Variants in PALM2AKAP2 observed in about 807,000 individuals in gnomAD.
The protein encoded by PALM2AKAP2 is PALM2 and AKAP2 fusion.
Under a neutral mutation model 71.5 loss-of-function variants are expected in PALM2AKAP2, and 37 were observed. That is an observed-to-expected ratio of 0.52 (90% CI 0.40 to 0.68). PALM2AKAP2 has a LOEUF of 0.68. Ranked by LOEUF, PALM2AKAP2 falls within the 30% of genes least tolerant of loss-of-function variation. The pLI, the probability that PALM2AKAP2 is intolerant of heterozygous loss-of-function variation, is 0.00. For missense variants in PALM2AKAP2, 1,224 were observed against 1,191.8 expected, an observed-to-expected ratio of 1.03 and a Z score of -0.40; for synonymous variants, 468 against 478.8, an observed-to-expected ratio of 0.98 and a Z score of 0.29.
chr9:109,735,497 C>G (rs143154370), intron 1 of PALM2AKAP2, among the ~76,000 whole-genome samples: 2 of 151,966 alleles, frequency 1.3e-5, no homozygotes, highest in African/African-American at 4.8e-5. Context: ...AGCCCTGAGT[C>G]CAGTAACTTT....
chr9:110,139,512 T>G (rs1390298097), intron 2 of PALM2AKAP2, among the ~76,000 whole-genome samples: 6 of 152,228 alleles, frequency 3.9e-5, no homozygotes, highest in Non-Finnish European at 7.3e-5. Flanking sequence ...ATTTTTGTAT[T>G]TTACAAAACT....
At chr9:109,856,453 T>A (rs1829168072) in intron 1 of PALM2AKAP2, among the ~76,000 whole-genome samples, 1 of 152,186 alleles carries the variant, frequency 6.6e-6, no homozygotes, top group Non-Finnish European at 1.5e-5. Context: ...GAAGGGCAGG[T>A]CTTTTGTGTT....
chr9:110,082,670 G>C (rs931946312), intron 1 of PALM2AKAP2, among the ~76,000 whole-genome samples: 1 of 152,126 alleles, frequency 6.6e-6, no homozygotes, highest in Non-Finnish European at 1.5e-5. Flanking sequence ...GATACAAAGA[G>C]AATTTTTGGT....
intron 6 of PALM2AKAP2, among the ~76,000 whole-genome samples, chr9:110,005,817 C>G (rs1354379044): frequency 6.6e-6 from 1 of 152,222 alleles, no homozygotes; most frequent in Non-Finnish European, 1.5e-5. Flanking sequence ...GTGTGGGACC[C>G]TCTGAGCCAG....
In PALM2AKAP2 at chr9:109,841,398, G is replaced by T. The variant is rs970822819; in HGVS notation, c.46-26093G>T. 2.0e-5 allele frequency among the ~76,000 whole-genome samples: 3 copies of T among 147,284 alleles called. No individual in the cohort carries two copies. In the Admixed American group the frequency reaches 2.1e-4, roughly 10 times the overall value. On this transcript the variant is annotated intron_variant, in intron 1 of 9. Transcript: ENST00000302798. ...GGGGTAGGGGGGAGGGATAGCATTA[G>T]GAGATATACCTAATGTAAATGATGA...
chr9:109,731,479 C>T (rs1828555741), intron 1 of PALM2AKAP2, among the ~76,000 whole-genome samples: 2 of 152,094 alleles, frequency 1.3e-5, no homozygotes, highest in African/African-American at 4.8e-5. Context: ...CTTTTGAATC[C>T]AGTAAAAAGA....
chr9:109,852,111 T>G (rs1829037528), intron 1 of PALM2AKAP2, among the ~76,000 whole-genome samples: 1 of 152,180 alleles, frequency 6.6e-6, no homozygotes, highest in African/African-American at 2.4e-5. Flanking sequence ...TATTTATTTA[T>G]ATTTTATTTT....
At chr9:109,877,884 G>A (rs1196745726) in intron 2 of PALM2AKAP2, among the ~76,000 whole-genome samples, 3 of 152,168 alleles carry the variant, frequency 2.0e-5, no homozygotes, top group African/African-American at 7.2e-5. Flanking sequence ...TTCAAGAAAA[G>A]CAAAGCAATA....
chr9:110,002,845 G>A (rs1832704531), intron 6 of PALM2AKAP2, among the ~76,000 whole-genome samples: 1 of 152,238 alleles, frequency 6.6e-6, no homozygotes, highest in Non-Finnish European at 1.5e-5. Flanking sequence ...TTCTCTGATG[G>A]TAGTTTGTAT....
Position 109,837,596 on chromosome 9 carries a change from G to A in PALM2AKAP2, c.46-29895G>A, listed in dbSNP as rs557339305. ...GACACAGACTGGCAAATTAGATAAA[G>A]AGTCAAGACCTATCAGTGTGCTGTA... is the stretch of plus-strand genomic sequence containing the variant. On this transcript the variant is annotated intron_variant, in intron 1 of 9. Coordinates refer to the PALM2AKAP2 transcript ENST00000302798. 1.3e-3 allele frequency among the ~76,000 whole-genome samples: 201 copies of A among 152,202 alleles called. 1 individual carries two copies. The highest frequency in any genetic ancestry group is 4.9e-3 in the Admixed American group (75 of 15,284).
chr9:109,720,927 G>A (rs560975003), intron 1 of PALM2AKAP2, among the ~76,000 whole-genome samples: 3 of 152,240 alleles, frequency 2.0e-5, no homozygotes, highest in South Asian at 2.1e-4. Context: ...CTTCCCTAGC[G>A]GAGTTTTACT....
At chr9:109,772,471 G>GCA (rs1331753158) in intron 1 of PALM2AKAP2, among the ~76,000 whole-genome samples, 2 of 152,150 alleles carry the variant, frequency 1.3e-5, no homozygotes, top group East Asian at 1.9e-4. Context: ...TATAGGTTTG[G>GCA]CACACACACA....
chr9:109,931,199 C>T (rs1236406528), intron 5 of PALM2AKAP2, among the ~76,000 whole-genome samples: 1 of 152,190 alleles, frequency 6.6e-6, no homozygotes, highest in African/African-American at 2.4e-5. Context: ...AATGTTCATG[C>T]TCCCCATGTC....
Position 109,750,571 on chromosome 9 carries a change from C to CGTGTGTGTGTGTGT in PALM2AKAP2, c.6-29900_6-29887dup, listed in dbSNP as rs111708702. On this transcript the variant is annotated intron_variant, in intron 1 of 6. Transcript: ENST00000374531. ...TCATCCTCAGAGCTCTGCCCTAGGA[C>CGTGTGTGTGTGTGT]GTGTGTGTGTGTGTGTGTGTGTGTG... is the stretch of plus-strand genomic sequence containing the variant. Among the ~76,000 whole-genome samples, 114 of 147,314 alleles carry CGTGTGTGTGTGTGT rather than the reference C, an allele frequency of 7.7e-4. 2 individuals carry two copies. The highest frequency in any genetic ancestry group is 4.6e-3 in the South Asian group (20 of 4,360).
At chr9:110,035,600 ATGTTGTG>A (rs1475801302) in intron 7 of PALM2AKAP2, among the ~76,000 whole-genome samples, 5 of 139,948 alleles carry the variant, frequency 3.6e-5, no homozygotes, top group Non-Finnish European at 6.1e-5. Context: ...TATATAGGAT[ATGTTGTG>A]TGTTATATAT....
chr9:109,870,593 T>C (rs1239497936), intron 2 of PALM2AKAP2, among the ~76,000 whole-genome samples: 1 of 152,194 alleles, frequency 6.6e-6, no homozygotes, highest in Non-Finnish European at 1.5e-5. Context: ...AACAAACTCA[T>C]GAGGTCAAGT....
intron 2 of PALM2AKAP2, among the ~76,000 whole-genome samples, chr9:110,151,870 G>A (rs1564336394): frequency 6.6e-6 from 1 of 152,164 alleles, no homozygotes. Flanking sequence ...AGACCAATAC[G>A]GACCTGCCCT....
chr9:109,881,358 C>T (rs1475980408), intron 3 of PALM2AKAP2, among the ~76,000 whole-genome samples: 1 of 152,192 alleles, frequency 6.6e-6, no homozygotes, highest in Non-Finnish European at 1.5e-5. Context: ...TATTAGCTTT[C>T]ATCTTTTTCC....
At chr9:109,708,736 A>G (rs567170617) in intron 1 of PALM2AKAP2, among the ~76,000 whole-genome samples, 1 of 152,314 alleles carries the variant, frequency 6.6e-6, no homozygotes, top group Non-Finnish European at 1.5e-5. Flanking sequence ...ACTCACTTCT[A>G]TGGGTGGCAC....
Sources: allele counts gnomAD v4.1 joint callset (sites outside exome capture counted in the v4.1 genomes callset), GRCh38; gene constraint gnomAD v4.1.1; transcripts MANE v1.5; gene names NCBI Gene and HGNC (gene_info 2026-07-23, HGNC 2026-07-21).